Variants in AVIL observed in about 807,000 individuals in gnomAD.
The protein encoded by AVIL is advillin.
AVIL carries 78 observed loss-of-function variants against 109.9 expected under a neutral mutation model. That is an observed-to-expected ratio of 0.71 (90% CI 0.59 to 0.86). The LOEUF (loss-of-function observed/expected upper bound fraction) is 0.86. Ranked by LOEUF, AVIL falls within the 40% of genes least tolerant of loss-of-function variation. The probability of loss-of-function intolerance (pLI) is 0.00; values close to 1 mark genes in which losing one functional copy is unlikely to be tolerated. For synonymous variants in AVIL, 367 were observed against 379.1 expected, an observed-to-expected ratio of 0.97 and a Z score of 0.37; for missense variants, 892 against 1,016.5, an observed-to-expected ratio of 0.88 and a Z score of 1.67.
chr12:57,801,491 G>C (rs1955847009), intron 17 of AVIL: 1 of 251,070 alleles, frequency 4.0e-6, no homozygotes, highest in South Asian at 5.1e-5. Context: ...TGTAATCCCA[G>C]CACTTTGGGA....
rs753811390 is a variant in AVIL at position 57,801,216 on chromosome 12, A to C, written c.2152-4T>G. ...ATTGTTCATATGTTTTTCCTGCCTG[A>C]GAAGAAGAGAGAGAAAACACAGGAT... On this transcript the variant is annotated splice_polypyrimidine_tract_variant and splice_region_variant and intron_variant, in intron 17 of 19. Coordinates refer to ENST00000549994, the MANE Select transcript of AVIL (RefSeq NM_006576.4). The C allele has an allele frequency of 1.2e-6, 2 of 1,612,312 alleles. No homozygotes were observed. Among genetic ancestry groups the C allele is most frequent in the Non-Finnish European group, 1.7e-6 (2 of 1,178,822 alleles).
intron 2 of AVIL, among the ~76,000 whole-genome samples, chr12:57,815,101 T>C (rs938067136): frequency 2.0e-5 from 3 of 152,092 alleles, no homozygotes; most frequent in Non-Finnish European, 4.4e-5. Flanking sequence ...TATAGGCGCC[T>C]GCCACCATGC....
At chr12:57,815,131 T>A (rs1269050208) in intron 2 of AVIL, among the ~76,000 whole-genome samples, 4 of 152,148 alleles carry the variant, frequency 2.6e-5, no homozygotes, top group Non-Finnish European at 5.9e-5. Flanking sequence ...TTTTTGTATT[T>A]TTAGTAGAGG....
At chr12:57,811,828 T>G (rs1205367843) in intron 4 of AVIL, among the ~76,000 whole-genome samples, 1 of 152,246 alleles carries the variant, frequency 6.6e-6, no homozygotes, top group African/African-American at 2.4e-5. Context: ...AAGTTTTGAG[T>G]TAAACTTCTC....
chr12:57,808,556 GCCAC>G lies in AVIL; in HGVS notation c.940-12_940-9del. 6.2e-7 allele frequency: 1 copy of G among 1,613,526 alleles called. No homozygotes were observed. Among genetic ancestry groups the G allele is most frequent in the Non-Finnish European group, 8.5e-7 (1 of 1,179,884 alleles). On this transcript the variant is annotated splice_polypyrimidine_tract_variant and intron_variant, in intron 9 of 19. Transcript: ENST00000549994. ...CTTCATCTTGATGAAGCCCTGCAGA[GCCAC>G]CCATTCCCAAAGGCAGGTCAGTGGT...
In AVIL at chr12:57,797,907, AT is replaced by A; in HGVS notation, c.2434del (p.Met812Ter). The part of the protein sequence containing the change: ...AALPGWKQLQ[M>X]KKEKGLF The stretch of plus-strand genomic sequence containing the variant: ...TTAGAAAAGCCCCTTTTCTTTCTTC[AT>A]TTGGAGCTGTTTCCAGCCAGGCAGA... On this transcript the variant is annotated frameshift_variant, in exon 20 of 20. Coordinates refer to ENST00000549994, the MANE Select transcript of AVIL (RefSeq NM_006576.4). LOFTEE classifies it high-confidence loss of function. The A allele has an allele frequency of 1.2e-6, 2 of 1,612,242 alleles. No homozygotes were observed. The highest frequency in any genetic ancestry group is 2.2e-5 in the South Asian group (2 of 90,818).
chr12:57,803,870 C>CCTG, intron 14 of AVIL: 3 of 593,254 alleles, frequency 5.1e-6, no homozygotes, highest in Non-Finnish European at 8.0e-6. Context: ...CAGGACTAGG[C>CCTG]TTTGAAACCC....
intron 13 of AVIL, among the ~76,000 whole-genome samples, chr12:57,807,063 T>C (rs1013405133): frequency 2.6e-5 from 4 of 152,032 alleles, no homozygotes; most frequent in Non-Finnish European, 5.9e-5. Flanking sequence ...AGGGTGCAGG[T>C]TAGGGAGCTG....
intron 16 of AVIL, 193 bp from the exon 17 acceptor site, chr12:57,802,541 T>G (rs752861604): frequency 5.2e-6 from 4 of 762,694 alleles, no homozygotes; most frequent in African/African-American, 1.7e-5. Flanking sequence ...TTAATTGCTA[T>G]GTGTATCTTC....
At chr12:57,800,281 C>T (rs1199624660) in intron 18 of AVIL, 1 of 186,670 alleles carries the variant, frequency 5.4e-6, no homozygotes, top group African/African-American at 2.3e-5. Flanking sequence ...AGGTTGTAGT[C>T]CTACTTAAAT....
chr12:57,807,429 G>T lies in AVIL; in HGVS notation c.1393C>A (p.Arg465=). Residue 465 remains arginine, a synonymous_variant, in exon 13 of 20, where the codon CGG becomes AGG. Transcript: ENST00000549994. ...ASAYQAVEVD[R]QFDGAAVQVR... ...TGCACAGCAGCCCCATCAAACTGCC[G>T]ATCCACCTCCACTGCCTGGTATGCT... 6.2e-7 allele frequency: 1 copy of T among 1,614,196 alleles called. No homozygotes were observed. The highest frequency in any genetic ancestry group is 8.5e-7 in the Non-Finnish European group (1 of 1,180,042).
At chr12:57,808,573 G>T in intron 9 of AVIL, 25 bp from the exon 10 acceptor site, 1 of 1,612,276 alleles carries the variant, frequency 6.2e-7, no homozygotes, top group Non-Finnish European at 8.5e-7. Context: ...ATTCCCAAAG[G>T]CAGGTCAGTG....
chr12:57,812,602 C>T (rs565262545), intron 4 of AVIL, among the ~76,000 whole-genome samples: 12 of 152,106 alleles, frequency 7.9e-5, no homozygotes, highest in African/African-American at 1.9e-4. Context: ...CCTCGTGATC[C>T]GCCTGCCTCG....
At position 57,811,045 on chromosome 12, in the gene AVIL, C is replaced by CT. The variant is rs1157380553; in HGVS notation, c.420dup (p.Gly141ArgfsTer21). The stretch of plus-strand genomic sequence containing the variant: ...TCGGTAGCCCTGATGTTTCTTTTCC[C>CT]TTTCACATGTAGCAGCCGCTTCACG... On this transcript the variant is annotated frameshift_variant, in exon 5 of 20. Coordinates refer to ENST00000549994, the MANE Select transcript of AVIL (RefSeq NM_006576.4). LOFTEE classifies it high-confidence loss of function. 6.2e-7 allele frequency: 1 copy of CT among 1,614,188 alleles called. No homozygotes were observed. Among genetic ancestry groups the CT allele is most frequent in the African/African-American group, 1.3e-5 (1 of 75,042 alleles).
intron 14 of AVIL, 32 bp from the exon 15 acceptor site, chr12:57,803,701 A>G (rs779456216): frequency 6.2e-7 from 1 of 1,607,630 alleles, no homozygotes; most frequent in Non-Finnish European, 8.5e-7. Flanking sequence ...CACAGATGTT[A>G]GTTGCACAGG....
rs778233552 is a variant in AVIL at position 57,802,254 on chromosome 12, C to T, written c.2057G>A (p.Arg686Gln). Residue 686 changes from arginine to glutamine, a missense_variant, in exon 17 of 20, where the codon CGA becomes CAA. Arg to Gln is a conservative substitution (Grantham distance 43, BLOSUM62 1). Transcript: ENST00000549994. Reference protein sequence around the residue: ...QQYLHTHPSGRDPDTPILIIK... With the variant: ...QQYLHTHPSGQDPDTPILIIK... ...GATCAGGATTGGTGTGTCGGGATCT[C>T]GGCCGCTGGGGTGAGTGTGCAGGTA... is the stretch of plus-strand genomic sequence containing the variant. 7.4e-6 allele frequency: 12 copies of T among 1,614,136 alleles called. No homozygotes were observed. The South Asian group carries it at 7.7e-5, about 10-fold the overall frequency.
chr12:57,805,610 C>T (rs1209569500), intron 14 of AVIL, among the ~76,000 whole-genome samples: 27 of 147,996 alleles, frequency 1.8e-4, no homozygotes, highest in African/African-American at 6.0e-4. Context: ...CTCGGCTCAC[C>T]GCAACCTCCG....
In AVIL at chr12:57,807,354, T is replaced by G. The variant is rs754635084; in HGVS notation, c.1468A>C (p.Lys490Gln). 1 of 1,614,218 alleles carries G rather than the reference T, an allele frequency of 6.2e-7. No homozygotes were observed. Among genetic ancestry groups the G allele is most frequent in the Non-Finnish European group, 8.5e-7 (1 of 1,180,032 alleles). The change falls in exon 13 of 20, where the codon AAA (lysine) becomes CAA (glutamine). Residue 490 changes from lysine to glutamine, a missense_variant. Lys to Gln is a moderately conservative substitution (Grantham distance 53). Transcript: ENST00000549994. ...ACCTCAAAGATAACTAGCTTCCCTT[T>G]GAAGATGGCCATGAAGTGGCGTGGC... Reference protein sequence around the residue: ...TEPRHFMAIFKGKLVIFEGGT... With the variant: ...TEPRHFMAIFQGKLVIFEGGT...
chr12:57,811,469 T>G (rs1040170281), intron 4 of AVIL, among the ~76,000 whole-genome samples: 1 of 152,216 alleles, frequency 6.6e-6, no homozygotes, highest in Admixed American at 6.5e-5. Context: ...TTCCAGGAAC[T>G]GTCTGAATGC....
Sources: allele counts gnomAD v4.1 joint callset (sites outside exome capture counted in the v4.1 genomes callset), GRCh38; gene constraint gnomAD v4.1.1; transcripts MANE v1.5; gene names NCBI Gene and HGNC (gene_info 2026-07-23, HGNC 2026-07-21).